Variants in AKR1C8 observed in about 807,000 individuals in gnomAD.
The protein encoded by AKR1C8 is aldo-keto reductase family 1 member C8, also known as aldo-keto reductase family 1 member C-like protein 1.
chr10:5,138,259 G>A, the AKR1C8 span, among the ~76,000 whole-genome samples: 1 of 152,014 alleles, frequency 6.6e-6, no homozygotes, highest in Non-Finnish European at 1.5e-5. Flanking sequence ...AACATTCCCA[G>A]AGCGGCCGTT....
At chr10:5,155,092 G>C in the AKR1C8 span, 3 of 152,158 alleles carry the variant, frequency 2.0e-5, no homozygotes, top group Non-Finnish European at 4.4e-5. Context: ...GGTAGGTAAA[G>C]AGGGCCAAGA....
At chr10:5,165,500 C>T in the AKR1C8 span, among the ~76,000 whole-genome samples, 1 of 152,040 alleles carries the variant, frequency 6.6e-6, no homozygotes, top group South Asian at 2.1e-4. Context: ...AAACTTCATA[C>T]CCCATCTGTG....
At chr10:5,123,842 A>G in the AKR1C8 span, 5 of 1,600,830 alleles carry the variant, frequency 3.1e-6, no homozygotes, top group Non-Finnish European at 4.3e-6. Flanking sequence ...AAAGATAGAA[A>G]AACATCAGAT....
At chr10:5,164,489 T>C in the AKR1C8 span, among the ~76,000 whole-genome samples, 1 of 152,092 alleles carries the variant, frequency 6.6e-6, no homozygotes, top group Non-Finnish European at 1.5e-5. Flanking sequence ...TTTTGGTGCA[T>C]GGGTTGGGAA....
the AKR1C8 span, among the ~76,000 whole-genome samples, chr10:5,142,600 G>C: frequency 1.5e-3 from 234 of 152,178 alleles, 1 homozygote; most frequent in African/African-American, 4.7e-3. Flanking sequence ...ATGTCTTAGG[G>C]TATAGGAAGG....
the AKR1C8 span, among the ~76,000 whole-genome samples, chr10:5,144,706 T>C: frequency 2.6e-5 from 4 of 152,296 alleles, no homozygotes; most frequent in East Asian, 3.9e-4. Context: ...CTTGTGATAT[T>C]TGTACATTGA....
chr10:5,146,577 C>T, the AKR1C8 span, among the ~76,000 whole-genome samples: 56 of 152,088 alleles, frequency 3.7e-4, 1 homozygote, highest in Non-Finnish European at 1.6e-4. Context: ...AAACTATCCA[C>T]ATTACCATAC....
the AKR1C8 span, among the ~76,000 whole-genome samples, chr10:5,156,525 GATCT>G: frequency 0.017 from 2,352 of 141,030 alleles, 22 homozygotes; most frequent in Non-Finnish European, 0.021. Flanking sequence ...GAAAGACTCA[GATCT>G]ATCTATCTAT....
the AKR1C8 span, among the ~76,000 whole-genome samples, chr10:5,146,816 T>C: frequency 6.6e-6 from 1 of 152,188 alleles, no homozygotes; most frequent in Non-Finnish European, 1.5e-5. Flanking sequence ...CCTAAGCCAA[T>C]GTCTAGAAGG....
the AKR1C8 span, among the ~76,000 whole-genome samples, chr10:5,179,931 A>T: frequency 3.3e-5 from 5 of 152,172 alleles, no homozygotes; most frequent in African/African-American, 1.2e-4. Context: ...TTCCTCCTGT[A>T]GCTCAGAGTA....
chr10:5,129,829 T>C, the AKR1C8 span, among the ~76,000 whole-genome samples: 1 of 152,034 alleles, frequency 6.6e-6, no homozygotes, highest in Non-Finnish European at 1.5e-5. Context: ...AGCAGAATTC[T>C]ACTTGACATT....
chr10:5,156,378 T>C, the AKR1C8 span, among the ~76,000 whole-genome samples: 4 of 152,232 alleles, frequency 2.6e-5, no homozygotes, highest in Non-Finnish European at 5.9e-5. Flanking sequence ...TTAATAAATC[T>C]CTCTTACTTA....
At chr10:5,148,555 G>C in the AKR1C8 span, among the ~76,000 whole-genome samples, 1 of 152,070 alleles carries the variant, frequency 6.6e-6, no homozygotes, top group South Asian at 2.1e-4. Context: ...AAAAAATGCA[G>C]GTCAGGTACA....
At chr10:5,147,539 A>G in the AKR1C8 span, among the ~76,000 whole-genome samples, 1 of 149,582 alleles carries the variant, frequency 6.7e-6, no homozygotes, top group East Asian at 2.0e-4. Context: ...AAATTAACCA[A>G]AAAAAAAAAT....
the AKR1C8 span, chr10:5,123,721 G>A: frequency 6.2e-7 from 1 of 1,611,422 alleles, no homozygotes; most frequent in Non-Finnish European, 8.5e-7. Context: ...CATAGTTCAT[G>A]TCGTTGGGTT....
the AKR1C8 span, chr10:5,161,771 G>C: frequency 3.7e-6 from 2 of 534,718 alleles, no homozygotes; most frequent in Non-Finnish European, 7.7e-6. Flanking sequence ...AAGAACCCTG[G>C]AAACCAAGCT....
chr10:5,143,164 A>T, the AKR1C8 span, among the ~76,000 whole-genome samples: 2 of 152,106 alleles, frequency 1.3e-5, no homozygotes, highest in Admixed American at 1.3e-4. Context: ...AATTGCCCTA[A>T]TTCAATATGG....
At chr10:5,137,291 C>A in the AKR1C8 span, among the ~76,000 whole-genome samples, 2 of 151,862 alleles carry the variant, frequency 1.3e-5, no homozygotes, top group Non-Finnish European at 2.9e-5. Flanking sequence ...GGCAGAGACA[C>A]AACAAAAAAG....
the AKR1C8 span, among the ~76,000 whole-genome samples, chr10:5,133,356 AT>A: frequency 6.6e-6 from 1 of 152,136 alleles, no homozygotes; most frequent in Non-Finnish European, 1.5e-5. Flanking sequence ...GCCGCCCAAA[AT>A]GCTGCGATTA....
Sources: allele counts gnomAD v4.1 joint callset (sites outside exome capture counted in the v4.1 genomes callset), GRCh38; gene constraint gnomAD v4.1.1; transcripts MANE v1.5; gene names NCBI Gene and HGNC (gene_info 2026-07-23, HGNC 2026-07-21).